GNB4: variants seen among roughly 807,000 people sequenced by gnomAD.
The protein encoded by GNB4 is guanine nucleotide-binding protein subunit beta-4.
GNB4 carries 28 observed loss-of-function variants against 45.2 expected under a neutral mutation model. That is an observed-to-expected ratio of 0.62 (90% CI 0.46 to 0.85). The LOEUF (loss-of-function observed/expected upper bound fraction) is 0.85. Ranked by LOEUF, GNB4 falls within the 40% of genes least tolerant of loss-of-function variation. The pLI is 0.00. For synonymous variants in GNB4, 132 were observed against 143.7 expected (o/e 0.92, Z 0.58); for missense variants, 321 against 425.4 (o/e 0.75, Z 2.16).
chr3:179,469,118 C>CT, the GNB4 span, among the ~76,000 whole-genome samples: 15 of 152,128 alleles, frequency 9.9e-5, no homozygotes, highest in African/African-American at 3.1e-4. Context: ...GAGTTGTATC[C>CT]TTTCTGGCCC....
intron 3 of GNB4, among the ~76,000 whole-genome samples, chr3:179,419,776 T>C (rs1284025314): frequency 2.6e-5 from 4 of 152,086 alleles, no homozygotes; most frequent in Non-Finnish European, 5.9e-5. Context: ...CTAAAAAGAA[T>C]AGATATACCT....
intron 1 of GNB4, among the ~76,000 whole-genome samples, chr3:179,449,501 T>TTCGA (rs780277357): frequency 1.1e-4 from 17 of 152,220 alleles, no homozygotes; most frequent in African/African-American, 1.7e-4. Context: ...TAAGTTAATA[T>TTCGA]GGCTCAGGGG....
chr3:179,397,073 T>A lies in GNB4; in HGVS notation c.*4140A>T, dbSNP rs1383210021. ...GAATTTGAACATAATATTTAATTTTTAAAAAAATTCAGCCTGACTCCGACC... is the reference window on the plus strand; with the variant it reads ...GAATTTGAACATAATATTTAATTTTAAAAAAAATTCAGCCTGACTCCGACC... On this transcript the variant is annotated 3_prime_UTR_variant, in exon 10 of 10. Coordinates refer to ENST00000232564, the MANE Select transcript of GNB4 (RefSeq NM_021629.4). 1.3e-5 allele frequency: 2 copies of A among 152,188 alleles called. No individual in the cohort carries two copies. Among genetic ancestry groups the A allele is most frequent in the East Asian group, 1.9e-4 (1 of 5,204 alleles). 9.4% of individuals were successfully genotyped at this position (152,188 alleles called of 1,614,324 possible). A position where few individuals can be genotyped will look rare whatever the true frequency, so the allele number is the denominator to read the frequency against.
intron 1 of GNB4, among the ~76,000 whole-genome samples, chr3:179,433,311 C>T (rs1715358913): frequency 6.6e-6 from 1 of 152,100 alleles, no homozygotes. Flanking sequence ...AGAATCTCCC[C>T]AAAGGCTTAC....
chr3:179,518,516 C>A, the GNB4 span, among the ~76,000 whole-genome samples: 1 of 152,130 alleles, frequency 6.6e-6, no homozygotes, highest in African/African-American at 2.4e-5. Flanking sequence ...CCTCCCCAGG[C>A]TGCTCATTGC....
chr3:179,409,828 C>CAAA (rs200859882), intron 8 of GNB4, among the ~76,000 whole-genome samples: 1 of 111,378 alleles, frequency 9.0e-6, no homozygotes, highest in African/African-American at 3.5e-5. Context: ...AACAAAAAAA[C>CAAA]AAAACAAAAA....
chr3:179,463,179 T>C, the GNB4 span, among the ~76,000 whole-genome samples: 35 of 152,298 alleles, frequency 2.3e-4, no homozygotes, highest in African/African-American at 8.2e-4. Context: ...CCGTAGTCAC[T>C]CGAAACAAAG....
chr3:179,455,832 C>A (rs2339798), upstream of GNB4, among the ~76,000 whole-genome samples: 19,505 of 152,138 alleles, frequency 0.13, 1,360 homozygotes, highest in Admixed American at 0.18. Flanking sequence ...ATTAAGATGG[C>A]ACTCTCACAT....
intron 1 of GNB4, among the ~76,000 whole-genome samples, chr3:179,436,046 C>A (rs1490816140): frequency 6.6e-6 from 1 of 152,256 alleles, no homozygotes; most frequent in Non-Finnish European, 1.5e-5. Flanking sequence ...AAGTTTCATA[C>A]CAATCATGAA....
Position 179,396,540 on chromosome 3 carries a change from A to T in GNB4, c.*4673T>A, listed in dbSNP as rs1428509058. 6.6e-6 allele frequency: 1 copy of T among 152,174 alleles called. No individual in the cohort carries two copies. Among genetic ancestry groups the T allele is most frequent in the African/African-American group, 2.4e-5 (1 of 41,432 alleles). The allele number at this position is 152,174 out of a possible 1,614,324, so 9.4% of individuals were successfully genotyped here. A position where few individuals can be genotyped will look rare whatever the true frequency, so the allele number is the denominator to read the frequency against. The stretch of plus-strand genomic sequence containing the variant: ...CCAAGTATATCACTGAAGTTCTATT[A>T]ATTAAGAAATAAATACTGTATGATG... On this transcript the variant is annotated 3_prime_UTR_variant, in exon 10 of 10. Coordinates refer to ENST00000232564, the MANE Select transcript of GNB4 (RefSeq NM_021629.4).
At chr3:179,434,350 A>G (rs1260315362) in intron 1 of GNB4, among the ~76,000 whole-genome samples, 2 of 152,220 alleles carry the variant, frequency 1.3e-5, no homozygotes. Flanking sequence ...AGCAAATTCC[A>G]GGAGACACAC....
In GNB4 at chr3:179,413,771, G is replaced by A; in HGVS notation, c.441C>T (p.Ser147=). Reference sequence around the variant, plus strand: ...GGCTGTCATCTAAAAAACGACAGCAGGACAAGTACCCTACAGCATAAAGAG... The same window carrying A: ...GGCTGTCATCTAAAAAACGACAGCAAGACAAGTACCCTACAGCATAAAGAG... The part of the protein sequence containing the change: ...RELPGHTGYL[S]CCRFLDDSQI... Residue 147 remains serine, a synonymous_variant, in exon 7 of 10, where the codon TCC becomes TCT. Coordinates refer to ENST00000232564, the MANE Select transcript of GNB4 (RefSeq NM_021629.4). The A allele has an allele frequency of 6.2e-7, 1 of 1,613,818 alleles. No individual in the cohort carries two copies. The highest frequency in any genetic ancestry group is 1.7e-5 in the Admixed American group (1 of 60,014).
the GNB4 span, among the ~76,000 whole-genome samples, chr3:179,463,573 T>A: frequency 1.3e-5 from 2 of 152,152 alleles, no homozygotes; most frequent in African/African-American, 2.4e-5. Flanking sequence ...CTGAAGAAGT[T>A]AAAAGATCTT....
chr3:179,463,190 C>T, the GNB4 span, among the ~76,000 whole-genome samples: 2 of 152,254 alleles, frequency 1.3e-5, no homozygotes, highest in South Asian at 4.1e-4. Flanking sequence ...CGAAACAAAG[C>T]TCCTGAGAGT....
chr3:179,423,125 T>C (rs917683592), intron 2 of GNB4, among the ~76,000 whole-genome samples: 1 of 152,144 alleles, frequency 6.6e-6, no homozygotes, highest in Non-Finnish European at 1.5e-5. Context: ...ACAATTAAAC[T>C]AAGAAAAGTA....
At chr3:179,463,637 T>A in the GNB4 span, among the ~76,000 whole-genome samples, 1 of 152,206 alleles carries the variant, frequency 6.6e-6, no homozygotes, top group African/African-American at 2.4e-5. Flanking sequence ...ACTTGTGATG[T>A]TTTTACTCCA....
the GNB4 span, among the ~76,000 whole-genome samples, chr3:179,491,601 C>T: frequency 6.6e-6 from 1 of 152,238 alleles, no homozygotes; most frequent in African/African-American, 2.4e-5. Context: ...TCCTCTGGAC[C>T]CCAAGCTGAC....
chr3:179,525,898 G>A, the GNB4 span, among the ~76,000 whole-genome samples: 1 of 152,232 alleles, frequency 6.6e-6, no homozygotes. Context: ...CATGGAGTGA[G>A]GGTGAGGACA....
the GNB4 span, among the ~76,000 whole-genome samples, chr3:179,502,228 CTTTTTTT>C: frequency 2.5e-4 from 18 of 73,452 alleles, no homozygotes; most frequent in African/African-American, 9.3e-4. Flanking sequence ...TTTTTCTTTT[CTTTTTTT>C]TTTTTTTTTT....
Sources: gnomAD v4.1 joint callset for allele counts (sites outside exome capture counted in the v4.1 genomes callset) on GRCh38, gnomAD v4.1.1 for gene constraint, MANE v1.5 for transcripts, NCBI Gene and HGNC (gene_info 2026-07-23, HGNC 2026-07-21) for gene names.